The following PDGFC variants were observed in gnomAD, a reference collection of about 807,000 sequenced individuals.
PDGFC encodes platelet derived growth factor C.
In PDGFC, 12 loss-of-function variants were observed where a neutral mutation model predicts 35.5. The ratio of observed to expected loss-of-function variants is 0.34; its 90% CI spans 0.22 to 0.55. The LOEUF is 0.55. Ranked by LOEUF, PDGFC falls within the 20% of genes least tolerant of loss-of-function variation. PDGFC has a pLI of 0.91. For synonymous variants in PDGFC, 159 were observed against 148.8 expected, an observed-to-expected ratio of 1.07 and a Z score of -0.50; for missense variants, 322 against 412.4, an observed-to-expected ratio of 0.78 and a Z score of 1.90.
chr4:156,816,955 T>C (rs776279294), intron 2 of PDGFC, among the ~76,000 whole-genome samples: 9 of 152,176 alleles, frequency 5.9e-5, no homozygotes, highest in Non-Finnish European at 1.0e-4. Context: ...GTAATATTTA[T>C]TAACAGCCAC....
At chr4:156,855,369 T>C (rs915357314) in intron 1 of PDGFC, among the ~76,000 whole-genome samples, 4 of 152,206 alleles carry the variant, frequency 2.6e-5, no homozygotes, top group African/African-American at 9.6e-5. Context: ...CATGTCTTTA[T>C]GCTAATGTTT....
chr4:156,781,228 C>G (rs1730972408), intron 3 of PDGFC, among the ~76,000 whole-genome samples: 1 of 152,118 alleles, frequency 6.6e-6, no homozygotes, highest in African/African-American at 2.4e-5. Flanking sequence ...TATCTTGGCT[C>G]AATCTTCATA....
chr4:156,869,171 T>C (rs925063154), intron 1 of PDGFC, among the ~76,000 whole-genome samples: 3 of 152,104 alleles, frequency 2.0e-5, no homozygotes, highest in Non-Finnish European at 2.9e-5. Context: ...CGGTGGCTCA[T>C]GCCTGTAATC....
At chr4:156,851,862 C>T (rs959387542) in intron 1 of PDGFC, among the ~76,000 whole-genome samples, 1 of 137,162 alleles carries the variant, frequency 7.3e-6, no homozygotes, top group Admixed American at 8.3e-5. Context: ...ACCCAGAAGG[C>T]GGAGCTTGCA....
intron 2 of PDGFC, among the ~76,000 whole-genome samples, chr4:156,832,531 A>C (rs1016751543): frequency 4.6e-5 from 7 of 152,192 alleles, no homozygotes; most frequent in African/African-American, 1.7e-4. Context: ...CTGGGATTAT[A>C]GGTGTCAGCC....
Position 156,810,817 on chromosome 4 carries a change from G to A in PDGFC, c.495+20C>T. The A allele has an allele frequency of 6.8e-7, 1 of 1,466,102 alleles. No homozygotes were observed. Among genetic ancestry groups the A allele is most frequent in the Non-Finnish European group, 9.4e-7 (1 of 1,066,846 alleles). The allele number at this position is 1,466,102 out of a possible 1,614,324, so 90.8% of individuals were successfully genotyped here. A position where few individuals can be genotyped will look rare whatever the true frequency, so the allele number is the denominator to read the frequency against. On this transcript the variant is annotated intron_variant, in intron 3 of 5. Coordinates refer to ENST00000502773, the MANE Select transcript of PDGFC (RefSeq NM_016205.3). The stretch of plus-strand genomic sequence containing the variant: ...AAAAGCTGATCCAATTAAATAAGGG[G>A]ATCTGAAAGTGGTACTTACTGGCAT...
chr4:156,967,395 T>A (rs757321647), intron 1 of PDGFC: 20 of 152,048 alleles, frequency 1.3e-4, no homozygotes, highest in Non-Finnish European at 2.1e-4. Context: ...CAAAGTAAAT[T>A]GCCCCACATG....
intron 1 of PDGFC, among the ~76,000 whole-genome samples, chr4:156,875,648 T>G (rs1383936939): frequency 3.9e-5 from 6 of 152,216 alleles, no homozygotes; most frequent in Non-Finnish European, 8.8e-5. Flanking sequence ...CCGGGCGCAG[T>G]GGCTCACGCC....
At chr4:156,935,605 G>A (rs1731660102) in intron 1 of PDGFC, among the ~76,000 whole-genome samples, 1 of 152,056 alleles carries the variant, frequency 6.6e-6, no homozygotes, top group South Asian at 2.1e-4. Flanking sequence ...GTCCATCATT[G>A]ACCAAAACAT....
intron 1 of PDGFC, among the ~76,000 whole-genome samples, chr4:156,933,636 A>G (rs1324325818): frequency 6.6e-6 from 1 of 152,158 alleles, no homozygotes; most frequent in Non-Finnish European, 1.5e-5. Flanking sequence ...GTGCCTTGAT[A>G]TGGTTTGGCT....
intron 1 of PDGFC, among the ~76,000 whole-genome samples, chr4:156,931,622 A>G (rs1426067895): frequency 1.3e-5 from 2 of 152,136 alleles, no homozygotes; most frequent in Non-Finnish European, 2.9e-5. Context: ...CAAGGCTGTT[A>G]ATATTAGAAA....
intron 1 of PDGFC, among the ~76,000 whole-genome samples, chr4:156,915,195 T>C (rs1419095934): frequency 6.6e-6 from 1 of 152,228 alleles, no homozygotes; most frequent in Non-Finnish European, 1.5e-5. Context: ...CTAAACCTTC[T>C]TCCAACCATG....
intron 2 of PDGFC, among the ~76,000 whole-genome samples, chr4:156,819,773 T>C (rs1732197831): frequency 6.6e-6 from 1 of 152,186 alleles, no homozygotes; most frequent in East Asian, 1.9e-4. Context: ...AGAAACATAT[T>C]TCACAAGGTA....
chr4:156,859,978 C>T (rs73856764), intron 1 of PDGFC, among the ~76,000 whole-genome samples: 12,209 of 152,126 alleles, frequency 0.08, 516 homozygotes, highest in Middle Eastern at 0.12. Context: ...TAGCAAAATT[C>T]TTCAGCAACA....
chr4:156,915,398 A>T (rs971187633), intron 1 of PDGFC, among the ~76,000 whole-genome samples: 2 of 152,172 alleles, frequency 1.3e-5, no homozygotes, highest in East Asian at 3.9e-4. Context: ...CACAAAGCTC[A>T]TGTGTCTTTC....
intron 3 of PDGFC, among the ~76,000 whole-genome samples, chr4:156,796,793 T>C (rs1158326475): frequency 6.6e-6 from 1 of 152,124 alleles, no homozygotes; most frequent in East Asian, 1.9e-4. Context: ...AAATGATGCA[T>C]ACTATCATTA....
At position 156,767,226 on chromosome 4, in the gene PDGFC, T is replaced by C. The variant is rs117467629; in HGVS notation, c.921+547A>G. Among the ~76,000 whole-genome samples the C allele has an allele frequency of 8.7e-4, 132 of 152,244 alleles. 2 individuals carry two copies. The East Asian group carries it at 0.024, about 28-fold the overall frequency. ...AATTACTAACATGTCATATTATATT[T>C]TCTTTTATTCCAAAGAATAAAGAGA... On this transcript the variant is annotated intron_variant, in intron 5 of 5. Coordinates refer to ENST00000502773, the MANE Select transcript of PDGFC (RefSeq NM_016205.3).
At chr4:156,942,496 GA>G (rs1199858878) in intron 1 of PDGFC, among the ~76,000 whole-genome samples, 2 of 151,764 alleles carry the variant, frequency 1.3e-5, no homozygotes, top group African/African-American at 4.8e-5. Context: ...ACAGCTGTAT[GA>G]AAATTGAGGG....
chr4:156,948,148 A>C (rs2110928832), intron 1 of PDGFC, among the ~76,000 whole-genome samples: 1 of 150,494 alleles, frequency 6.6e-6, no homozygotes, highest in African/African-American at 2.4e-5. Context: ...CAACAAGTGT[A>C]CTAAAAAAAA....
Sources: allele counts gnomAD v4.1 joint callset (sites outside exome capture counted in the v4.1 genomes callset), GRCh38; gene constraint gnomAD v4.1.1; transcripts MANE v1.5; gene names NCBI Gene and HGNC (gene_info 2026-07-23, HGNC 2026-07-21).